ITPR3: variants seen among roughly 807,000 people sequenced by gnomAD.
ITPR3 encodes the protein inositol 1,4,5-trisphosphate receptor type 3, also known as inositol 1,4,5-trisphosphate-gated calcium channel ITPR3.
A neutral mutation model predicts 293.2 loss-of-function variants in ITPR3; 173 were observed. The ratio of observed to expected loss-of-function variants is 0.59; its 90% CI spans 0.52 to 0.67. ITPR3 has a LOEUF of 0.67. Ranked by LOEUF, ITPR3 falls within the 30% of genes least tolerant of loss-of-function variation. The pLI, the probability that ITPR3 is intolerant of heterozygous loss-of-function variation, is 0.00. For missense variants in ITPR3, 2,796 were observed against 3,592.1 expected, an observed-to-expected ratio of 0.78 and a Z score of 5.66; for synonymous variants, 1,295 against 1,444.4, an observed-to-expected ratio of 0.90 and a Z score of 2.35.
intron 2 of ITPR3, among the ~76,000 whole-genome samples, chr6:33,649,611 G>T (rs557756675): frequency 1.6e-3 from 250 of 152,324 alleles, no homozygotes; most frequent in African/African-American, 5.9e-3. Flanking sequence ...TTGTTCTATA[G>T]GTTGAGTCTA....
chr6:33,690,991 C>T lies in ITPR3; in HGVS notation c.7107C>T (p.Ile2369=). 6.2e-7 allele frequency: 1 copy of T among 1,614,170 alleles called. No homozygotes were observed. Among genetic ancestry groups the T allele is most frequent in the Non-Finnish European group, 8.5e-7 (1 of 1,180,006 alleles). The stretch of plus-strand genomic sequence containing the variant: ...GTGTGACCCGCAATGGCCGCTCCAT[C>T]CTGCTGACAGCCCTGCTGGCCCTCA... ...IKSVTRNGRS[I]LLTALLALIL... is the part of the protein sequence containing the mutation. Residue 2369 remains isoleucine (I), a synonymous_variant, in exon 52 of 58, where the codon ATC becomes ATT. Transcript: ENST00000605930.
intron 48 of ITPR3, 71 bp from the exon 49 acceptor site, chr6:33,688,585 G>T (rs1765303158): frequency 6.3e-7 from 1 of 1,594,240 alleles, no homozygotes. Flanking sequence ...TCCTGAGCGG[G>T]GCCCCACATG....
At chr6:33,673,767 G>T in intron 23 of ITPR3, 47 bp downstream of exon 23, 1 of 1,606,466 alleles carries the variant, frequency 6.2e-7, no homozygotes, top group Non-Finnish European at 8.5e-7. Flanking sequence ...GACTCTCCCA[G>T]GGATACACAG....
intron 39 of ITPR3, among the ~76,000 whole-genome samples, chr6:33,685,148 C>T (rs1279774798): frequency 2.0e-5 from 3 of 151,962 alleles, no homozygotes; most frequent in Non-Finnish European, 4.4e-5. Context: ...GAGGGGTATG[C>T]GGGGGTGATG....
At chr6:33,674,308 G>C (rs983966453) in intron 24 of ITPR3, 43 bp downstream of exon 24, 3 of 1,586,776 alleles carry the variant, frequency 1.9e-6, no homozygotes, top group South Asian at 2.2e-5. Context: ...GGGTTGGGAG[G>C]CTCGACACCC....
chr6:33,657,825 GTGT>G, intron 3 of ITPR3, 104 bp from the exon 4 acceptor site: 1 of 733,404 alleles, frequency 1.4e-6, no homozygotes. Context: ...CTGTGTGTGT[GTGT>G]GTGTGTTTGT....
In ITPR3 at chr6:33,667,947, C is replaced by A; in HGVS notation, c.1869C>A (p.Arg623=). Reference sequence around the variant, plus strand: ...TGGAGACCTTCGTCAGCCTTGTGCGCAAGAACCGGGAGCCCAGGTGGGCCC... The same window carrying A: ...TGGAGACCTTCGTCAGCCTTGTGCGAAAGAACCGGGAGCCCAGGTGGGCCC... ...TEVETFVSLV[R]KNREPRFLDY... Residue 623 remains arginine, a synonymous_variant, in exon 16 of 58, where the codon CGC becomes CGA. Coordinates refer to ENST00000605930, the MANE Select transcript of ITPR3 (RefSeq NM_002224.4). The surrounding 1 kb of genome is among the most constrained non-coding windows in gnomAD (Gnocchi z 4.4). 1.2e-5 allele frequency: 19 copies of A among 1,614,210 alleles called. No homozygotes were observed. The highest frequency in any genetic ancestry group is 1.5e-5 in the Non-Finnish European group (18 of 1,180,036).
chr6:33,681,005 G>T (rs1356657676), intron 33 of ITPR3, among the ~76,000 whole-genome samples: 1 of 152,034 alleles, frequency 6.6e-6, no homozygotes, highest in African/African-American at 2.4e-5. Flanking sequence ...ATTTTTAGTA[G>T]AGACAGGGTT....
intron 33 of ITPR3, among the ~76,000 whole-genome samples, chr6:33,681,398 T>C (rs1379370771): frequency 6.6e-6 from 1 of 152,180 alleles, no homozygotes; most frequent in East Asian, 1.9e-4. Flanking sequence ...TTGATCATAG[T>C]GATCTTAGAA....
At chr6:33,663,675 C>T (rs1007277869) in intron 10 of ITPR3, 63 bp from the exon 11 acceptor site, 5 of 1,609,720 alleles carry the variant, frequency 3.1e-6, no homozygotes, top group Non-Finnish European at 1.7e-6. Context: ...AGGTGGGATC[C>T]CAGGTGCTTC....
chr6:33,650,934 A>G (rs2127250804), intron 2 of ITPR3, among the ~76,000 whole-genome samples: 1 of 152,206 alleles, frequency 6.6e-6, no homozygotes. Flanking sequence ...CTGGTTCCCA[A>G]GGATCCCTGC....
At chr6:33,661,015 T>C (rs566220939) in intron 7 of ITPR3, among the ~76,000 whole-genome samples, 5 of 152,194 alleles carry the variant, frequency 3.3e-5, no homozygotes, top group African/African-American at 4.8e-5. Context: ...CATAGAATTA[T>C]TTCTGGGGAA....
At chr6:33,677,707 A>G in intron 28 of ITPR3, 78 bp downstream of exon 28, 1 of 1,535,584 alleles carries the variant, frequency 6.5e-7, no homozygotes, top group Non-Finnish European at 8.8e-7. Context: ...GCTAGGCCCT[A>G]ATGCAGGCAA....
Position 33,683,882 on chromosome 6 carries a change from G to A in ITPR3, c.4789-138G>A. ...GCAGACAGACATCACGCTGTGTTCA[G>A]GGTGTCTCTGTGGGTGTGGGCCCCT... is the stretch of plus-strand genomic sequence containing the variant. On this transcript the variant is annotated intron_variant, in intron 35 of 57. Transcript: ENST00000605930. The surrounding 1 kb of genome is among the most constrained non-coding windows in gnomAD (Gnocchi z 4.5). 1 of 907,854 alleles carries A rather than the reference G, an allele frequency of 1.1e-6. No homozygotes were observed. Among genetic ancestry groups the A allele is most frequent in the Non-Finnish European group, 1.6e-6 (1 of 609,104 alleles). The allele number at this position is 907,854 out of a possible 1,614,324, so 56.2% of individuals were successfully genotyped here. A position where few individuals can be genotyped will look rare whatever the true frequency, so the allele number is the denominator to read the frequency against.
Position 33,655,518 on chromosome 6 carries a change from A to G in ITPR3, c.161-248A>G, listed in dbSNP as rs1764284487. On this transcript the variant is annotated intron_variant, in intron 2 of 57. Transcript: ENST00000605930. The surrounding 1 kb of genome is among the most constrained non-coding windows in gnomAD (Gnocchi z 4.9). The stretch of plus-strand genomic sequence containing the variant: ...GGTAAATCTCCTAGGGGAAGAGGGC[A>G]CGTGTCCACCCCACCAAGTGAGATG... Among the ~76,000 whole-genome samples the G allele has an allele frequency of 6.6e-6, 1 of 152,180 alleles. No homozygotes were observed. Among genetic ancestry groups the G allele is most frequent in the Admixed American group, 6.5e-5 (1 of 15,276 alleles).
intron 2 of ITPR3, among the ~76,000 whole-genome samples, chr6:33,650,635 C>T (rs1312191852): frequency 6.6e-6 from 1 of 152,180 alleles, no homozygotes; most frequent in East Asian, 1.9e-4. Flanking sequence ...TTCATTAATT[C>T]TTTCTTCAGC....
chr6:33,667,891 C>T lies in ITPR3; in HGVS notation c.1813C>T (p.Leu605Phe). ...TGCCCTGCTGCACAACAACCGCAAGCTCCTGGAAAAGCACATCACCAAGAC... is the reference window on the plus strand; with the variant it reads ...TGCCCTGCTGCACAACAACCGCAAGTTCCTGGAAAAGCACATCACCAAGAC... ...ITALLHNNRK[L>F]LEKHITKTEV... Residue 605 changes from leucine to phenylalanine, a missense_variant, in exon 16 of 58, where the codon CTC (leucine) becomes TTC (phenylalanine). By Grantham distance (22) the Leu-to-Phe change is conservative. Around this residue, in one of 8 missense-constraint regions of ITPR3, gnomAD observed 955 missense variants for 1,180.8 expected, o/e 0.81. Coordinates refer to ENST00000605930, the MANE Select transcript of ITPR3 (RefSeq NM_002224.4). The surrounding 1 kb of genome is among the most constrained non-coding windows in gnomAD (Gnocchi z 4.4). 6.2e-7 allele frequency: 1 copy of T among 1,614,228 alleles called. No individual in the cohort carries two copies. The highest frequency in any genetic ancestry group is 1.1e-5 in the South Asian group (1 of 91,086).
rs376271118 is a variant in ITPR3, at chr6:33,658,822, G to A, written c.522G>A (p.Gly174=). ...CCTTCTGGAAGCTGCGGAGCAACGG[G>A]GACAACGTGAGGGCAGGGCCAGGGT... ...IQPFWKLRSN[G]DNVVVGDKVI... The change falls in exon 5 of 58, where the codon GGG becomes GGA. Residue 174 remains glycine, a synonymous_variant. Coordinates refer to ENST00000605930, the MANE Select transcript of ITPR3 (RefSeq NM_002224.4). The surrounding 1 kb of genome is among the most constrained non-coding windows in gnomAD (Gnocchi z 6.1). The A allele has an allele frequency of 6.6e-5, 106 of 1,613,994 alleles. No homozygotes were observed. The highest frequency in any genetic ancestry group is 1.6e-4 in the Middle Eastern group (1 of 6,080).
At position 33,633,770 on chromosome 6, in the gene ITPR3, C is replaced by T. The variant is rs1330760309; in HGVS notation, c.90-6714C>T. Among the ~76,000 whole-genome samples, 1 of 142,442 alleles carries T rather than the reference C, an allele frequency of 7.0e-6. No individual in the cohort carries two copies. Among genetic ancestry groups the T allele is most frequent in the Non-Finnish European group, 1.5e-5 (1 of 64,644 alleles). The allele number at this position is 142,442 out of a possible 152,430, so 93.4% of individuals were successfully genotyped here. A position where few individuals can be genotyped will look rare whatever the true frequency, so the allele number is the denominator to read the frequency against. On this transcript the variant is annotated intron_variant, in intron 1 of 57. Transcript: ENST00000605930. This position sits in a 1 kb window ranked among gnomAD's most constrained non-coding sequence, Gnocchi z 5.2. ...CGCGGGGGCGGGGGCGGGGCCGGGGCCGGGGCCGGACGCCCGGAGCTCGCG... is the reference window on the plus strand; with the variant it reads ...CGCGGGGGCGGGGGCGGGGCCGGGGTCGGGGCCGGACGCCCGGAGCTCGCG...
Sources: allele counts gnomAD v4.1 joint callset (sites outside exome capture counted in the v4.1 genomes callset), GRCh38; gene constraint gnomAD v4.1.1; regional missense constraint gnomAD v4.1.1; non-coding constraint Gnocchi (gnomAD v3.1); transcripts MANE v1.5; gene names NCBI Gene and HGNC (gene_info 2026-07-23, HGNC 2026-07-21).